ABCA3: variants seen among roughly 807,000 people sequenced by gnomAD.
ABCA3 encodes ATP binding cassette subfamily A member 3, also known as phospholipid-transporting ATPase ABCA3.
ABCA3 carries 88 observed loss-of-function variants against 172.8 expected under a neutral mutation model. That is an observed-to-expected ratio of 0.51 (90% CI 0.43 to 0.61). The LOEUF (loss-of-function observed/expected upper bound fraction) is 0.61. Among genes scored for constraint, ABCA3 ranks in the 20% least tolerant of loss-of-function variants. The pLI, the probability that ABCA3 is intolerant of heterozygous loss-of-function variation, is 0.00. For synonymous variants in ABCA3, 1,066 were observed against 983.8 expected (o/e 1.08, Z -1.56); for missense variants, 2,164 against 2,301.0 (o/e 0.94, Z 1.22).
rs757638071 is a variant in ABCA3, at chr16:2,300,037, C to T, written c.1579G>A (p.Val527Met). ...AGGTGCTTGATCTTGATCCCCGCCACCAGGTCCTCTGGCTCGGCTTCAAAG... is the reference window on the plus strand; with the variant it reads ...AGGTGCTTGATCTTGATCCCCGCCATCAGGTCCTCTGGCTCGGCTTCAAAG... ...EYFEAEPEDL[V>M]AGIKIKHLSK... The change falls in exon 13 of 33, where the codon GTG (valine) becomes ATG (methionine). Residue 527 changes from valine (V) to methionine (M), a missense_variant. This residue lies in a region of ABCA3 where 1,343 missense variants were observed against 1,369.6 expected (regional missense o/e 0.98). Transcript: ENST00000301732. The T allele has an allele frequency of 6.2e-7, 1 of 1,613,534 alleles. No homozygotes were observed. Among genetic ancestry groups the T allele is most frequent in the South Asian group, 1.1e-5 (1 of 91,046 alleles).
chr16:2,276,990 G>T (rs1333530045), intron 32 of ABCA3, among the ~76,000 whole-genome samples, 185 bp from the exon 33 acceptor site: 2 of 152,222 alleles, frequency 1.3e-5, no homozygotes, highest in Non-Finnish European at 2.9e-5. Context: ...GAGGACGCTG[G>T]CTAAGCAGGA....
chr16:2,289,182 G>A (rs2141698974), intron 20 of ABCA3: 1 of 562,608 alleles, frequency 1.8e-6, no homozygotes, highest in Non-Finnish European at 3.2e-6. Context: ...CACAGAGCTG[G>A]GCACCCGACA....
chr16:2,301,967 G>GC, intron 12 of ABCA3, among the ~76,000 whole-genome samples: 1 of 152,360 alleles, frequency 6.6e-6, no homozygotes, highest in South Asian at 2.1e-4. Context: ...CACCTGGCCC[G>GC]CCCAGGGCGG....
intron 17 of ABCA3, among the ~76,000 whole-genome samples, chr16:2,296,863 G>C (rs2093680595): frequency 6.6e-6 from 1 of 152,200 alleles, no homozygotes; most frequent in Non-Finnish European, 1.5e-5. Context: ...CACCCCGTTG[G>C]AATGTGGGGG....
rs1447629085 is a variant in ABCA3 at position 2,326,209 on chromosome 16, G to C, written c.120C>G (p.Ile40Met). The C allele has an allele frequency of 6.2e-7, 1 of 1,614,098 alleles. No individual in the cohort carries two copies. The highest frequency in any genetic ancestry group is 1.1e-5 in the South Asian group (1 of 91,088). ...CCGACTGAATCTTCAAGCGGAGCCA[G>C]ATGAGGATCCCAGAAAACAGCAATG... The part of the protein sequence containing the change: ...FLPLLFSGIL[I>M]WLRLKIQSEN... The change falls in exon 5 of 33, where the codon ATC becomes ATG. Residue 40 changes from isoleucine (I) to methionine (M), a missense_variant. This residue lies in a region of ABCA3 where 1,343 missense variants were observed against 1,369.6 expected (regional missense o/e 0.98). Transcript: ENST00000301732.
chr16:2,314,829 G>A (rs1005385412), intron 10 of ABCA3, among the ~76,000 whole-genome samples: 4 of 150,380 alleles, frequency 2.7e-5, no homozygotes, highest in African/African-American at 9.8e-5. Context: ...GCCAGCCTTG[G>A]CCTCCCAAAG....
rs759661714 is a variant in ABCA3 at position 2,281,257 on chromosome 16, G to A, written c.4165-36C>T. The A allele has an allele frequency of 1.9e-6, 3 of 1,613,096 alleles. No individual in the cohort carries two copies. The African/African-American group carries it at 4.0e-5, about 22-fold the overall frequency. On this transcript the variant is annotated intron_variant, in intron 27 of 32. Transcript: ENST00000301732. This position sits in a 1 kb window ranked among gnomAD's most constrained non-coding sequence, Gnocchi z 4.7. ...CCAACAGAAAACACGGAATGCGGAG[G>A]CCTGGACGCAAAGCAGAGCAGTCTG...
In ABCA3 at chr16:2,283,768, G is replaced by A. The variant is rs965171282; in HGVS notation, c.3863-410C>T. The stretch of plus-strand genomic sequence containing the variant: ...GGTTGTGATCTTGCTTAGAAACAGG[G>A]TCTTTGAATATGTGATTAGTAAGGA... On this transcript the variant is annotated intron_variant, in intron 25 of 32. Coordinates refer to ENST00000301732, the MANE Select transcript of ABCA3 (RefSeq NM_001089.3). This position sits in a 1 kb window ranked among gnomAD's most constrained non-coding sequence, Gnocchi z 5.4. The A allele has an allele frequency of 7.6e-6, 2 of 264,134 alleles. No homozygotes were observed. Among genetic ancestry groups the A allele is most frequent in the Non-Finnish European group, 1.5e-5 (2 of 136,238 alleles). 16.4% of individuals were successfully genotyped at this position (264,134 alleles called of 1,614,324 possible). A position where few individuals can be genotyped will look rare whatever the true frequency, so the allele number is the denominator to read the frequency against.
chr16:2,314,985 C>G (rs989568286), intron 10 of ABCA3, among the ~76,000 whole-genome samples: 2 of 150,648 alleles, frequency 1.3e-5, no homozygotes, highest in African/African-American at 4.9e-5. Flanking sequence ...TCAAGCGATG[C>G]TCCTGCCTCA....
In ABCA3 at chr16:2,286,794, G is replaced by A; in HGVS notation, c.3178C>T (p.Leu1060Phe). The change falls in exon 22 of 33, where the codon CTT (leucine) becomes TTT (phenylalanine). Residue 1060 changes from leucine (L) to phenylalanine (F), a missense_variant. This residue lies in a region of ABCA3 where 795 missense variants were observed against 881.9 expected (regional missense o/e 0.90). Transcript: ENST00000301732. The surrounding 1 kb of genome is among the most constrained non-coding windows in gnomAD (Gnocchi z 5.2). ...PATALAVVDN[L>F]LFKLLCGPHA... ...GGCCCGCACAGCAGCTTGAACAGAA[G>A]GTTGTCCACGACGGCCAGGGCAGTG... 2.5e-6 allele frequency: 4 copies of A among 1,614,180 alleles called. No homozygotes were observed. Among genetic ancestry groups the A allele is most frequent in the Non-Finnish European group, 3.4e-6 (4 of 1,180,034 alleles).
chr16:2,332,071 T>C (rs2093744157), intron 1 of ABCA3, among the ~76,000 whole-genome samples: 1 of 152,210 alleles, frequency 6.6e-6, no homozygotes, highest in Non-Finnish European at 1.5e-5. Flanking sequence ...AGGCTGCTCA[T>C]TTCTCAGAAC....
At position 2,277,439 on chromosome 16, in the gene ABCA3, A is replaced by G. The variant is rs1464255334; in HGVS notation, c.4983+158T>C. 1.3e-5 allele frequency among the ~76,000 whole-genome samples: 2 copies of G among 152,168 alleles called. No homozygotes were observed. Among genetic ancestry groups the G allele is most frequent in the Non-Finnish European group, 2.9e-5 (2 of 68,034 alleles). On this transcript the variant is annotated intron_variant, in intron 32 of 32. Transcript: ENST00000301732. This position sits in a 1 kb window ranked among gnomAD's most constrained non-coding sequence, Gnocchi z 5.3. ...TTTACCACTGATAATTTTGGATATA[A>G]AACCCCCAAACCAGCACGTATCAGG...
chr16:2,335,125 G>C (rs896815018), intron 1 of ABCA3, among the ~76,000 whole-genome samples: 2 of 151,338 alleles, frequency 1.3e-5, no homozygotes, highest in African/African-American at 4.9e-5. Flanking sequence ...CACTGTGCCC[G>C]GCCCTAAATA....
In ABCA3 at chr16:2,287,156, A is replaced by T. The variant is rs1017450712; in HGVS notation, c.3005-189T>A. ...GTTTTGTCATCATTCAGTATGTGGAACTTTGAATGCCAGTCAGGAACCGGG... is the reference window on the plus strand; with the variant it reads ...GTTTTGTCATCATTCAGTATGTGGATCTTTGAATGCCAGTCAGGAACCGGG... On this transcript the variant is annotated intron_variant, in intron 21 of 32. Transcript: ENST00000301732. This position sits in a 1 kb window ranked among gnomAD's most constrained non-coding sequence, Gnocchi z 4.1. Among the ~76,000 whole-genome samples, 1 of 152,194 alleles carries T rather than the reference A, an allele frequency of 6.6e-6. No individual in the cohort carries two copies. Among genetic ancestry groups the T allele is most frequent in the African/African-American group, 2.4e-5 (1 of 41,452 alleles).
chr16:2,308,164 T>C (rs916991628), intron 11 of ABCA3, among the ~76,000 whole-genome samples: 18 of 152,202 alleles, frequency 1.2e-4, no homozygotes, highest in African/African-American at 4.3e-4. Context: ...CCAACGCTGC[T>C]GGATGCTCCA....
intron 10 of ABCA3, among the ~76,000 whole-genome samples, chr16:2,314,947 G>A (rs1484104455): frequency 1.4e-5 from 2 of 142,762 alleles, no homozygotes; most frequent in South Asian, 4.4e-4. Flanking sequence ...GCACAACCTC[G>A]GCTCACTGCA....
At position 2,285,896 on chromosome 16, in the gene ABCA3, AG is replaced by A. The variant is rs1191205082; in HGVS notation, c.3279-251del. Among the ~76,000 whole-genome samples, 2 of 152,096 alleles carry A rather than the reference AG, an allele frequency of 1.3e-5. No individual in the cohort carries two copies. The highest frequency in any genetic ancestry group is 4.8e-5 in the African/African-American group (2 of 41,418). ...CACTCTCCCTCATCACCCCGCTCCC[AG>A]CCCTCAGCCCCACGGCTGCCGGCGA... On this transcript the variant is annotated intron_variant, in intron 22 of 32. Coordinates refer to ENST00000301732, the MANE Select transcript of ABCA3 (RefSeq NM_001089.3). This position sits in a 1 kb window ranked among gnomAD's most constrained non-coding sequence, Gnocchi z 4.7.
At chr16:2,336,909 C>T (rs35713464) in intron 1 of ABCA3, among the ~76,000 whole-genome samples, 34,983 of 151,008 alleles carry the variant, frequency 0.23, 4,507 homozygotes, top group Admixed American at 0.34. Flanking sequence ...CACCTCTCAT[C>T]CTTTTTTTTT....
Position 2,303,266 on chromosome 16 carries a change from T to TC in ABCA3, c.1467+702_1467+703insG, listed in dbSNP as rs1567345322. Among the ~76,000 whole-genome samples, 3 of 144,428 alleles carry TC rather than the reference T, an allele frequency of 2.1e-5. No homozygotes were observed. The East Asian group carries it at 5.9e-4, about 29-fold the overall frequency. 94.8% of individuals were successfully genotyped at this position (144,428 alleles called of 152,430 possible). A position where few individuals can be genotyped will look rare whatever the true frequency, so the allele number is the denominator to read the frequency against. On this transcript the variant is annotated intron_variant, in intron 12 of 32. Transcript: ENST00000301732. ...AGGAATCCGAACTTTTTTTCTCTCT[T>TC]TTTTTTTTTTTTTTGAGACAGACTC... is the stretch of plus-strand genomic sequence containing the variant.
Sources: allele counts gnomAD v4.1 joint callset (sites outside exome capture counted in the v4.1 genomes callset), GRCh38; gene constraint gnomAD v4.1.1; regional missense constraint gnomAD v4.1.1; non-coding constraint Gnocchi (gnomAD v3.1); transcripts MANE v1.5; gene names NCBI Gene and HGNC (gene_info 2026-07-23, HGNC 2026-07-21).